Variants in COL19A1 observed in about 807,000 individuals in gnomAD.
COL19A1 encodes the protein collagen alpha-1(XIX) chain.
Under a neutral mutation model 190.2 loss-of-function variants are expected in COL19A1, and 159 were observed. That is an observed-to-expected ratio of 0.84 (90% CI 0.73 to 0.95). The LOEUF (loss-of-function observed/expected upper bound fraction) is 0.95. Among genes scored for constraint, COL19A1 ranks in the 40% least tolerant of loss-of-function variants. The pLI, the probability that COL19A1 is intolerant of heterozygous loss-of-function variation, is 0.00. For synonymous variants in COL19A1, 509 were observed against 458.9 expected (o/e 1.11, Z -1.39); for missense variants, 1,418 against 1,431.9 (o/e 0.99, Z 0.16).
intron 17 of COL19A1, among the ~76,000 whole-genome samples, chr6:70,125,445 G>A (rs997820337): frequency 6.6e-6 from 1 of 152,082 alleles, no homozygotes; most frequent in East Asian, 1.9e-4. Flanking sequence ...TCCGGTCCCA[G>A]GATCCTCACT....
rs917256068 is a variant in COL19A1 at position 70,207,109 on chromosome 6, A to G, written c.3302-38A>G. The G allele has an allele frequency of 1.9e-6, 3 of 1,605,434 alleles. No homozygotes were observed. In the African/African-American group the frequency reaches 4.1e-5, roughly 22 times the overall value. On this transcript the variant is annotated intron_variant, in intron 50 of 50. Transcript: ENST00000620364. ...GAGGGTGGGAGAGAGGAAGGGCCAT[A>G]TGTGATCTGCATTGTAATTTTTTTT...
intron 14 of COL19A1, among the ~76,000 whole-genome samples, chr6:70,045,175 T>G (rs983186630): frequency 1.3e-5 from 2 of 151,834 alleles, no homozygotes; most frequent in African/African-American, 4.8e-5. Context: ...TAGCCAGGCA[T>G]GGTGGTGCAT....
chr6:70,159,441 C>G (rs1787647024), intron 34 of COL19A1, among the ~76,000 whole-genome samples: 1 of 151,930 alleles, frequency 6.6e-6, no homozygotes, highest in South Asian at 2.1e-4. Flanking sequence ...CACACACACA[C>G]AGCACTGCCA....
intron 44 of COL19A1, among the ~76,000 whole-genome samples, chr6:70,183,365 G>C (rs944946218): frequency 1.3e-5 from 2 of 152,104 alleles, no homozygotes; most frequent in Non-Finnish European, 2.9e-5. Context: ...CTGAAAGCAG[G>C]GCTGCCCTGT....
intron 22 of COL19A1, 102 bp downstream of exon 22, chr6:70,142,178 A>G (rs1786296509): frequency 9.6e-7 from 1 of 1,040,100 alleles, no homozygotes; most frequent in Admixed American, 2.1e-5. Flanking sequence ...TTCTTCACAA[A>G]TGCTCTCCAA....
At chr6:70,184,369 T>C (rs940628023) in intron 44 of COL19A1, among the ~76,000 whole-genome samples, 6 of 152,232 alleles carry the variant, frequency 3.9e-5, no homozygotes, top group African/African-American at 1.2e-4. Flanking sequence ...GAAAATAATC[T>C]TTGTTGACTA....
At chr6:70,166,993 AAC>A (rs1765201818) in intron 37 of COL19A1, among the ~76,000 whole-genome samples, 2 of 152,314 alleles carry the variant, frequency 1.3e-5, no homozygotes, top group South Asian at 4.1e-4. Flanking sequence ...CATCCTTCAA[AAC>A]ACAGTTTAAA....
chr6:69,903,075 A>G (rs1770293118), intron 4 of COL19A1, among the ~76,000 whole-genome samples: 1 of 152,216 alleles, frequency 6.6e-6, no homozygotes, highest in South Asian at 2.1e-4. Context: ...ATGAACCACA[A>G]GGTTTAGCCT....
At chr6:70,141,840 C>G (rs948453349) in intron 20 of COL19A1, 53 bp from the exon 21 acceptor site, 7 of 1,150,942 alleles carry the variant, frequency 6.1e-6, no homozygotes, top group Non-Finnish European at 9.1e-6. Flanking sequence ...TCAGAGATGT[C>G]CATTTCCATC....
At chr6:69,895,092 G>A (rs1442998044) in intron 2 of COL19A1, among the ~76,000 whole-genome samples, 1 of 152,230 alleles carries the variant, frequency 6.6e-6, no homozygotes, top group African/African-American at 2.4e-5. Context: ...GGAAGAGGAA[G>A]GCTGTGGCAG....
chr6:70,186,980 C>A (rs1012320936), intron 46 of COL19A1, among the ~76,000 whole-genome samples: 1 of 152,122 alleles, frequency 6.6e-6, no homozygotes, highest in Admixed American at 6.6e-5. Flanking sequence ...CGGGTTCAAG[C>A]GATTCTCCTG....
Position 70,188,148 on chromosome 6 carries a change from G to T in COL19A1, c.2930G>T (p.Gly977Val). ...RGKPGLTGMKGAIGPMGPPGN... is the reference protein window; with the variant it reads ...RGKPGLTGMKVAIGPMGPPGN... ...AAACCAGGCCTTACAGGCATGAAGG[G>T]GGCCATCGGTCCTATGGGTCCACCA... is the stretch of plus-strand genomic sequence containing the variant. Residue 977 changes from glycine (G) to valine (V), a missense_variant, in exon 47 of 51, where the codon GGG (glycine) becomes GTG (valine). Coordinates refer to ENST00000620364, the MANE Select transcript of COL19A1 (RefSeq NM_001858.6). 6.2e-7 allele frequency: 1 copy of T among 1,614,032 alleles called. No homozygotes were observed. Among genetic ancestry groups the T allele is most frequent in the Non-Finnish European group, 8.5e-7 (1 of 1,179,956 alleles).
At chr6:70,194,486 A>G (rs1767072168) in intron 48 of COL19A1, among the ~76,000 whole-genome samples, 2 of 152,188 alleles carry the variant, frequency 1.3e-5, no homozygotes, top group Non-Finnish European at 2.9e-5. Context: ...ATTGATCACT[A>G]TGCACAAATA....
In COL19A1 at chr6:70,127,826, C is replaced by T. The variant is rs190957177; in HGVS notation, c.1342-2356C>T. The stretch of plus-strand genomic sequence containing the variant: ...TTCAATTACTTCCCACTGGGTCCCT[C>T]CCACAACATGTGGGAATTGTGGGAG... On this transcript the variant is annotated intron_variant, in intron 17 of 50. Transcript: ENST00000620364. Among the ~76,000 whole-genome samples the T allele has an allele frequency of 9.9e-5, 15 of 152,254 alleles. No individual in the cohort carries two copies. The East Asian group carries it at 2.3e-3, about 24-fold the overall frequency.
chr6:69,991,873 GT>G (rs917398136), intron 11 of COL19A1, among the ~76,000 whole-genome samples: 2 of 151,288 alleles, frequency 1.3e-5, no homozygotes, highest in African/African-American at 4.8e-5. Context: ...TTTTTTGTTT[GT>G]TTTTTGCTGT....
chr6:69,899,158 CT>C, intron 3 of COL19A1, 136 bp downstream of exon 3: 1 of 519,152 alleles, frequency 1.9e-6, no homozygotes, highest in East Asian at 3.3e-5. Context: ...TTTAAGAATT[CT>C]TTTTAATTTT....
chr6:70,142,299 A>G (rs1583012559), intron 22 of COL19A1, among the ~76,000 whole-genome samples: 1 of 152,180 alleles, frequency 6.6e-6, no homozygotes, highest in East Asian at 1.9e-4. Context: ...TTCAGAGCAT[A>G]TTCACAATAG....
intron 11 of COL19A1, among the ~76,000 whole-genome samples, chr6:69,980,013 C>G (rs531108797): frequency 2.4e-4 from 37 of 151,942 alleles, no homozygotes; most frequent in South Asian, 4.1e-4. Flanking sequence ...TAATGCAATA[C>G]AAACAGGAAT....
At chr6:70,128,906 G>C (rs1785352847) in intron 17 of COL19A1, among the ~76,000 whole-genome samples, 1 of 152,180 alleles carries the variant, frequency 6.6e-6, no homozygotes, top group Non-Finnish European at 1.5e-5. Flanking sequence ...CACAGAGCCT[G>C]GAAGATAGTG....
Sources: gnomAD v4.1 joint callset for allele counts (sites outside exome capture counted in the v4.1 genomes callset) on GRCh38, gnomAD v4.1.1 for gene constraint, MANE v1.5 for transcripts, NCBI Gene and HGNC (gene_info 2026-07-23, HGNC 2026-07-21) for gene names.